Variants in TENM2 observed in about 807,000 individuals in gnomAD.
The protein encoded by TENM2 is teneurin-2.
Under a neutral mutation model 245.2 loss-of-function variants are expected in TENM2, and 52 were observed. That is an observed-to-expected ratio of 0.21 (90% CI 0.17 to 0.27). The LOEUF is 0.27. Ranked by LOEUF, TENM2 falls within the 10% of genes least tolerant of loss-of-function variation. TENM2 has a pLI of 1.00. For missense variants in TENM2, 3,046 were observed against 3,666.8 expected (o/e 0.83, Z 4.37); for synonymous variants, 1,363 against 1,438.9 (o/e 0.95, Z 1.19).
At chr5:167,783,807 G>C (rs925655245) in intron 2 of TENM2, among the ~76,000 whole-genome samples, 1 of 152,006 alleles carries the variant, frequency 6.6e-6, no homozygotes, top group Non-Finnish European at 1.5e-5. Context: ...GGGAGCCCTG[G>C]GCTCCCTCCC....
At chr5:168,181,247 A>G (rs1448885648) in intron 13 of TENM2, among the ~76,000 whole-genome samples, 1 of 152,252 alleles carries the variant, frequency 6.6e-6, no homozygotes, top group African/African-American at 2.4e-5. Context: ...GTTTTTGTCC[A>G]TTAGTTGCTG....
intron 2 of TENM2, among the ~76,000 whole-genome samples, chr5:167,849,389 T>C (rs2151199594): frequency 6.6e-6 from 1 of 152,234 alleles, no homozygotes; most frequent in East Asian, 1.9e-4. Flanking sequence ...GATGAAAAAA[T>C]AAAATCCAAT....
chr5:167,322,127 C>T (rs758747035), intron 1 of TENM2, among the ~76,000 whole-genome samples: 25 of 152,084 alleles, frequency 1.6e-4, no homozygotes, highest in Non-Finnish European at 2.4e-4. Context: ...CCACCGCACC[C>T]GGCTGCTGCA....
chr5:167,552,295 G>A (rs527995459), intron 2 of TENM2, among the ~76,000 whole-genome samples: 16 of 152,142 alleles, frequency 1.1e-4, no homozygotes, highest in Admixed American at 3.3e-4. Flanking sequence ...TCAAGTGGGT[G>A]CTGTAGTCCT....
chr5:167,675,618 G>A (rs747230693), intron 2 of TENM2, among the ~76,000 whole-genome samples: 1 of 152,028 alleles, frequency 6.6e-6, no homozygotes, highest in Non-Finnish European at 1.5e-5. Flanking sequence ...TATATGGGAG[G>A]TAGTCTTGCA....
chr5:167,870,697 A>G (rs886126228), intron 2 of TENM2, among the ~76,000 whole-genome samples: 3 of 142,590 alleles, frequency 2.1e-5, no homozygotes, highest in Admixed American at 7.0e-5. Context: ...TCTTGAAATA[A>G]AGCAAGATCT....
At chr5:167,558,695 G>T (rs183730860) in intron 2 of TENM2, among the ~76,000 whole-genome samples, 2 of 152,188 alleles carry the variant, frequency 1.3e-5, no homozygotes, top group African/African-American at 4.8e-5. Context: ...CAAGCTCAGG[G>T]CTCCCACTGA....
chr5:167,102,596 G>C, the TENM2 span, among the ~76,000 whole-genome samples: 2 of 152,212 alleles, frequency 1.3e-5, no homozygotes, highest in Non-Finnish European at 2.9e-5. Context: ...TGGTGCATGA[G>C]TTCGGAGACT....
intron 2 of TENM2, among the ~76,000 whole-genome samples, chr5:167,679,718 A>G (rs574703925): frequency 2.7e-5 from 4 of 150,148 alleles, no homozygotes; most frequent in East Asian, 2.0e-4. Context: ...GTAGATTTCT[A>G]TTGTGGACCA....
At chr5:167,473,045 CTT>C (rs1399564256) in intron 2 of TENM2, among the ~76,000 whole-genome samples, 4 of 152,092 alleles carry the variant, frequency 2.6e-5, no homozygotes, top group Non-Finnish European at 5.9e-5. Flanking sequence ...AAACTGGAAA[CTT>C]TTTCAGTTCT....
At chr5:167,262,469 G>A in the TENM2 span, among the ~76,000 whole-genome samples, 2 of 151,874 alleles carry the variant, frequency 1.3e-5, no homozygotes, top group Admixed American at 6.6e-5. Flanking sequence ...TCCTAAAGAT[G>A]GTGCAGATCA....
intron 2 of TENM2, among the ~76,000 whole-genome samples, chr5:167,863,035 T>C (rs879835201): frequency 1.3e-5 from 2 of 152,234 alleles, no homozygotes; most frequent in Non-Finnish European, 2.9e-5. Flanking sequence ...CAATGCTTAA[T>C]TAGAGAGCTC....
chr5:168,259,576 A>G (rs565664910), intron 27 of TENM2, among the ~76,000 whole-genome samples: 1 of 152,272 alleles, frequency 6.6e-6, no homozygotes, highest in East Asian at 1.9e-4. Flanking sequence ...CAACAGAGCA[A>G]GACTCCATCT....
chr5:167,415,355 C>T (rs1325572199), intron 2 of TENM2, among the ~76,000 whole-genome samples: 2 of 152,094 alleles, frequency 1.3e-5, no homozygotes, highest in Non-Finnish European at 2.9e-5. Flanking sequence ...ACCTGTTGTA[C>T]ACTTTCTAGC....
At chr5:167,328,409 A>G (rs1408458768) in intron 1 of TENM2, among the ~76,000 whole-genome samples, 2 of 151,730 alleles carry the variant, frequency 1.3e-5, no homozygotes, top group African/African-American at 2.4e-5. Flanking sequence ...GGTTTCACCA[A>G]GAGATGGGGT....
intron 2 of TENM2, among the ~76,000 whole-genome samples, chr5:167,711,001 C>T (rs938446956): frequency 2.6e-5 from 4 of 152,178 alleles, no homozygotes; most frequent in African/African-American, 9.7e-5. Context: ...CTACACTGTG[C>T]TAAGCATTTT....
chr5:168,072,560 T>C (rs2152130079), intron 7 of TENM2, among the ~76,000 whole-genome samples: 1 of 152,288 alleles, frequency 6.6e-6, no homozygotes, highest in East Asian at 1.9e-4. Flanking sequence ...TAAGAAATGA[T>C]GGCAACATCA....
At chr5:167,539,278 T>A (rs1772046774) in intron 2 of TENM2, among the ~76,000 whole-genome samples, 1 of 152,220 alleles carries the variant, frequency 6.6e-6, no homozygotes, top group Admixed American at 6.5e-5. Flanking sequence ...TATTTATGAC[T>A]TGAATATTAT....
intron 2 of TENM2, among the ~76,000 whole-genome samples, chr5:167,769,367 C>T (rs932968446): frequency 1.3e-5 from 2 of 152,152 alleles, no homozygotes; most frequent in African/African-American, 4.8e-5. Context: ...TATGTAGTTA[C>T]ATTTTGGTCA....
Sources: gnomAD v4.1 joint callset for allele counts (sites outside exome capture counted in the v4.1 genomes callset) on GRCh38, gnomAD v4.1.1 for gene constraint, MANE v1.5 for transcripts, NCBI Gene and HGNC (gene_info 2026-07-23, HGNC 2026-07-21) for gene names.